BICD1: variants seen among roughly 807,000 people sequenced by gnomAD.
The protein encoded by BICD1 is BICD cargo adaptor 1.
A neutral mutation model predicts 92.5 loss-of-function variants in BICD1; 35 were observed. The observed-to-expected ratio is 0.38, with a 90% CI of 0.29 to 0.50. BICD1 has a LOEUF of 0.50. Ranked by LOEUF, BICD1 falls within the 20% of genes least tolerant of loss-of-function variation. The probability of loss-of-function intolerance (pLI) is 0.93; values close to 1 mark genes in which losing one functional copy is unlikely to be tolerated. For synonymous variants in BICD1, 429 were observed against 465.1 expected, an observed-to-expected ratio of 0.92 and a Z score of 1.00; for missense variants, 950 against 1,189.8, an observed-to-expected ratio of 0.80 and a Z score of 2.97.
intron 1 of BICD1, among the ~76,000 whole-genome samples, chr12:32,167,747 C>T (rs1057373128): frequency 9.9e-5 from 15 of 152,148 alleles, no homozygotes; most frequent in Admixed American, 3.9e-4. Flanking sequence ...TGACCTACCG[C>T]GCCTGGCCTA....
intron 2 of BICD1, among the ~76,000 whole-genome samples, chr12:32,292,728 G>A (rs1396515995): frequency 6.6e-6 from 1 of 152,136 alleles, no homozygotes; most frequent in Non-Finnish European, 1.5e-5. Flanking sequence ...ATAAGAAAAT[G>A]TGGTTTTTGG....
At chr12:32,342,404 G>A (rs910516100) in intron 8 of BICD1, among the ~76,000 whole-genome samples, 3 of 151,142 alleles carry the variant, frequency 2.0e-5, no homozygotes, top group Admixed American at 1.3e-4. Context: ...ACAGGCGCCC[G>A]TCACCACACC....
rs76597494 is a variant in BICD1 at position 32,136,721 on chromosome 12, G to T, written c.213+29177G>T. ...GTCCTGTCCTGAGTGGCTGCTCAGGGTATTGACATGCCATTTTGATAAATA... is the reference window on the plus strand; with the variant it reads ...GTCCTGTCCTGAGTGGCTGCTCAGGTTATTGACATGCCATTTTGATAAATA... On this transcript the variant is annotated intron_variant, in intron 1 of 9. Transcript: ENST00000652176. 8.7e-4 allele frequency among the ~76,000 whole-genome samples: 133 copies of T among 152,294 alleles called. 5 individuals are homozygous for T. The East Asian group carries it at 0.021, about 24-fold the overall frequency.
In BICD1 at chr12:32,382,256, A is replaced by G. The variant is rs545871144; in HGVS notation, c.*4629A>G. The stretch of plus-strand genomic sequence containing the variant: ...ATTATTCAAAGTGTAATTGAAAGAG[A>G]TATTTAGTATTAAGACATGTTCCCC... On this transcript the variant is annotated 3_prime_UTR_variant, in exon 10 of 10. Coordinates refer to ENST00000652176, the MANE Select transcript of BICD1 (RefSeq NM_001714.4). The G allele has an allele frequency of 8.8e-4, 134 of 152,238 alleles. No individual in the cohort carries two copies. Among genetic ancestry groups the G allele is most frequent in the Non-Finnish European group, 9.6e-4 (65 of 67,958 alleles). 9.4% of individuals were successfully genotyped at this position (152,238 alleles called of 1,614,324 possible). A position where few individuals can be genotyped will look rare whatever the true frequency, so the allele number is the denominator to read the frequency against.
At chr12:32,108,622 T>C in intron 1 of BICD1, 1 of 680,038 alleles carries the variant, frequency 1.5e-6, no homozygotes, top group Non-Finnish European at 2.7e-6. Flanking sequence ...CAAAAATCTA[T>C]TATTTATTTT....
At chr12:32,300,243 A>G (rs1453128652) in intron 3 of BICD1, among the ~76,000 whole-genome samples, 1 of 151,960 alleles carries the variant, frequency 6.6e-6, no homozygotes, top group Non-Finnish European at 1.5e-5. Flanking sequence ...CTGGGACTAC[A>G]GGCACCCGCC....
chr12:32,113,759 G>A (rs1450187114), intron 1 of BICD1, among the ~76,000 whole-genome samples: 2 of 150,566 alleles, frequency 1.3e-5, no homozygotes, highest in Middle Eastern at 3.2e-3. Flanking sequence ...ACCCAGGCTG[G>A]AGTGCAGTGG....
At chr12:32,297,296 C>T (rs1364012631) in intron 3 of BICD1, among the ~76,000 whole-genome samples, 1 of 152,176 alleles carries the variant, frequency 6.6e-6, no homozygotes, top group African/African-American at 2.4e-5. Context: ...CAACCTCCGC[C>T]TCCTGGTCTT....
intron 1 of BICD1, among the ~76,000 whole-genome samples, chr12:32,164,790 C>G (rs1046093842): frequency 6.6e-6 from 1 of 152,150 alleles, no homozygotes; most frequent in Non-Finnish European, 1.5e-5. Flanking sequence ...CACTAACACT[C>G]TAGGAAGCAG....
intron 1 of BICD1, among the ~76,000 whole-genome samples, chr12:32,205,836 C>T (rs898825897): frequency 6.6e-6 from 1 of 151,552 alleles, no homozygotes; most frequent in Non-Finnish European, 1.5e-5. Context: ...CCATTTGGCC[C>T]TCCACATCCC....
chr12:32,146,980 C>T (rs1468222941), intron 1 of BICD1, among the ~76,000 whole-genome samples: 1 of 151,560 alleles, frequency 6.6e-6, no homozygotes, highest in Non-Finnish European at 1.5e-5. Context: ...TGCTCTGTCA[C>T]CCAGGCTGGA....
At chr12:32,197,268 C>T (rs763958362) in intron 1 of BICD1, among the ~76,000 whole-genome samples, 7 of 152,146 alleles carry the variant, frequency 4.6e-5, no homozygotes, top group African/African-American at 7.2e-5. Context: ...CTTGGCCTCC[C>T]AAAGTGCTGG....
intron 1 of BICD1, among the ~76,000 whole-genome samples, chr12:32,142,048 A>G (rs1030764773): frequency 6.6e-6 from 1 of 152,148 alleles, no homozygotes; most frequent in South Asian, 2.1e-4. Context: ...TTCTTTTCAA[A>G]TAGGAAAAAT....
At chr12:32,117,344 C>T (rs191455389) in intron 1 of BICD1, among the ~76,000 whole-genome samples, 85 of 152,204 alleles carry the variant, frequency 5.6e-4, no homozygotes, top group African/African-American at 1.9e-3. Context: ...ATACTTTTCC[C>T]ACCACCAGAG....
chr12:32,288,825 C>A (rs188686367), intron 2 of BICD1, among the ~76,000 whole-genome samples: 185 of 151,372 alleles, frequency 1.2e-3, no homozygotes, highest in African/African-American at 4.2e-3. Flanking sequence ...AAGATCATGC[C>A]ACTGTACTCC....
chr12:32,170,597 C>T (rs1050522610), intron 1 of BICD1, among the ~76,000 whole-genome samples: 2 of 152,190 alleles, frequency 1.3e-5, no homozygotes, highest in Admixed American at 6.6e-5. Flanking sequence ...GTCTTTTTTA[C>T]ACAATGCCAC....
At chr12:32,176,954 A>G (rs1944106115) in intron 1 of BICD1, among the ~76,000 whole-genome samples, 1 of 151,572 alleles carries the variant, frequency 6.6e-6, no homozygotes, top group Non-Finnish European at 1.5e-5. Context: ...GCTGGGTCAT[A>G]GGGTAGTTAT....
intron 2 of BICD1, chr12:32,227,321 T>C (rs1945731587): frequency 6.6e-6 from 1 of 152,290 alleles, no homozygotes; most frequent in Non-Finnish European, 1.5e-5. Context: ...TCGCCTCCCC[T>C]AGCCTCTGAT....
chr12:32,158,540 G>C lies in BICD1; in HGVS notation c.213+50996G>C, dbSNP rs933628711. Among the ~76,000 whole-genome samples, 16 of 152,192 alleles carry C rather than the reference G, an allele frequency of 1.1e-4. 1 individual carries two copies. The East Asian group carries it at 3.1e-3, about 29-fold the overall frequency. On this transcript the variant is annotated intron_variant, in intron 1 of 9. Transcript: ENST00000652176. ...TGGAAAGAATACCTCTGGTATATAG[G>C]AAACACTCAACAAATATTAGCTATT... is the stretch of plus-strand genomic sequence containing the variant.
Sources: gnomAD v4.1 joint callset for allele counts (sites outside exome capture counted in the v4.1 genomes callset) on GRCh38, gnomAD v4.1.1 for gene constraint, MANE v1.5 for transcripts, NCBI Gene and HGNC (gene_info 2026-07-23, HGNC 2026-07-21) for gene names.